PPEF1: variants seen among roughly 807,000 people sequenced by gnomAD.
The protein encoded by PPEF1 is protein phosphatase with EF-hand domain 1.
Under a neutral mutation model 53.3 loss-of-function variants are expected in PPEF1, and 12 were observed. That is an observed-to-expected ratio of 0.23 (90% CI 0.14 to 0.36). PPEF1 has a LOEUF of 0.36. Ranked by LOEUF, PPEF1 falls within the 10% of genes least tolerant of loss-of-function variation. The pLI is 1.00. For synonymous variants in PPEF1, 165 were observed against 176.7 expected, an observed-to-expected ratio of 0.93 and a Z score of 0.52; for missense variants, 334 against 490.4, an observed-to-expected ratio of 0.68 and a Z score of 3.01.
At chrX:18,734,831 G>A (rs1163498998) in intron 3 of PPEF1, among the ~76,000 whole-genome samples, 1 of 111,869 alleles carries the variant, frequency 8.9e-6, no homozygotes, top group African/African-American at 3.2e-5. Flanking sequence ...TAACTGGTGT[G>A]AGATGGTATC....
chrX:18,804,006 T>C lies in PPEF1; in HGVS notation c.1180T>C (p.Tyr394His), dbSNP rs1409502365. ...TGTTACTTCCAAGATTCTTAATAAA[T>C]ACCAGTTGAAGATGCTCATCAGGTC... ...PDVTSKILNKYQLKMLIRSHE... is the reference protein window; with the variant it reads ...PDVTSKILNKHQLKMLIRSHE... The change falls in exon 11 of 16, where the codon TAC becomes CAC. Residue 394 changes from tyrosine to histidine, a missense_variant. Transcript: ENST00000470157. 6 of 1,204,591 alleles carry C rather than the reference T, an allele frequency of 5.0e-6. No individual in the cohort carries two copies. Among genetic ancestry groups the C allele is most frequent in the Non-Finnish European group, 6.7e-6 (6 of 889,369 alleles).
intron 10 of PPEF1, among the ~76,000 whole-genome samples, chrX:18,801,701 G>C (rs1452859560): frequency 9.0e-6 from 1 of 111,519 alleles, no homozygotes; most frequent in African/African-American, 3.3e-5. Context: ...AAACATTACA[G>C]GCCGGGTGCA....
chrX:18,749,756 CA>C, intron 3 of PPEF1, 35 bp from the exon 4 acceptor site: 1 of 152,163 alleles, frequency 6.6e-6, no homozygotes, highest in Non-Finnish European at 1.4e-5. Context: ...TTCCCACCCC[CA>C]CCCCCACCCC....
intron 11 of PPEF1, among the ~76,000 whole-genome samples, chrX:18,805,114 G>A (rs907333155): frequency 2.7e-5 from 3 of 109,093 alleles, no homozygotes; most frequent in Non-Finnish European, 5.7e-5. Context: ...ATGCTCCCGA[G>A]AAGCTGGGAT....
chrX:18,805,580 C>T (rs2046641713), intron 11 of PPEF1, among the ~76,000 whole-genome samples: 1 of 110,763 alleles, frequency 9.0e-6, no homozygotes, highest in African/African-American at 3.3e-5. Context: ...CACGGTGGCT[C>T]ATGCCTGTAA....
At chrX:18,754,272 G>GGTTT (rs976321337) in intron 4 of PPEF1, among the ~76,000 whole-genome samples, 1 of 111,088 alleles carries the variant, frequency 9.0e-6, no homozygotes, top group Non-Finnish European at 1.9e-5. Context: ...ATTCTGACAG[G>GGTTT]GTTTGTTTGT....
In PPEF1 at chrX:18,749,907, T is replaced by A; in HGVS notation, c.351T>A (p.Thr117=). Residue 117 remains threonine, a synonymous_variant, in exon 4 of 16, where the codon ACT becomes ACA. Coordinates refer to ENST00000470157, the MANE Select transcript of PPEF1 (RefSeq NM_001377996.1). ...GTCCTCGGCTACAATTTCCTCTCACTTGTACGGATATTGATTTACTTCTTG... is the reference window on the plus strand; with the variant it reads ...GTCCTCGGCTACAATTTCCTCTCACATGTACGGATATTGATTTACTTCTTG... ...YNGPRLQFPL[T]CTDIDLLLEA... is the part of the protein sequence containing the mutation. The A allele has an allele frequency of 1.7e-6, 2 of 1,206,071 alleles. No individual in the cohort carries two copies. Among genetic ancestry groups the A allele is most frequent in the Non-Finnish European group, 2.2e-6 (2 of 890,996 alleles).
chrX:18,684,506 G>T (rs188970722), intron 1 of PPEF1, among the ~76,000 whole-genome samples: 137 of 111,425 alleles, frequency 1.2e-3, no homozygotes, highest in African/African-American at 3.9e-3. Context: ...CTTTCAGTGA[G>T]ATTACATTTC....
chrX:18,767,759 G>A (rs1011861586), intron 6 of PPEF1, among the ~76,000 whole-genome samples: 3 of 111,010 alleles, frequency 2.7e-5, no homozygotes, highest in Admixed American at 1.9e-4. Context: ...AGCTTAGTTA[G>A]GAGAAGAGCA....
intron 3 of PPEF1, 42 bp downstream of exon 3, chrX:18,733,850 T>A (rs768172695): frequency 1.2e-5 from 12 of 1,018,310 alleles, no homozygotes; most frequent in African/African-American, 1.9e-5. Flanking sequence ...TCATTAAATA[T>A]TGAATTGTCT....
intron 5 of PPEF1, among the ~76,000 whole-genome samples, chrX:18,759,165 A>G (rs2045609301): frequency 9.0e-6 from 1 of 111,321 alleles, no homozygotes; most frequent in African/African-American, 3.3e-5. Flanking sequence ...ACATCTTGGC[A>G]CTTATTTCTA....
chrX:18,760,760 C>T lies in PPEF1; in HGVS notation c.512-770C>T, dbSNP rs182883416. On this transcript the variant is annotated intron_variant, in intron 5 of 15. Coordinates refer to ENST00000470157, the MANE Select transcript of PPEF1 (RefSeq NM_001377996.1). ...CTGAGTAGCTAGGATCACAGGTGCG[C>T]ACCACCAAACCTGGCAATTTTTTTT... is the stretch of plus-strand genomic sequence containing the variant. 2.0e-3 allele frequency among the ~76,000 whole-genome samples: 204 copies of T among 104,224 alleles called. 1 individual carries two copies. Among genetic ancestry groups the T allele is most frequent in the African/African-American group, 6.1e-3 (173 of 28,475 alleles). 90.5% of individuals were successfully genotyped at this position (104,224 alleles called of 115,157 possible).
intron 11 of PPEF1, among the ~76,000 whole-genome samples, chrX:18,805,429 C>T (rs968060331): frequency 2.7e-5 from 3 of 112,143 alleles, no homozygotes; most frequent in African/African-American, 9.7e-5. Context: ...ATGAGTAAGG[C>T]AAGTATTGTT....
chrX:18,679,689 C>T (rs772676390), upstream of PPEF1, among the ~76,000 whole-genome samples: 4 of 111,568 alleles, frequency 3.6e-5, no homozygotes, highest in East Asian at 1.1e-3. Context: ...TTTCAAGATT[C>T]AGATTAGCTC....
intron 4 of PPEF1, among the ~76,000 whole-genome samples, chrX:18,696,822 T>C (rs775464301): frequency 5.0e-4 from 56 of 111,417 alleles, no homozygotes; most frequent in Non-Finnish European, 6.6e-4. Context: ...CCTTTGGTGC[T>C]ACGGGGCTTC....
At chrX:18,693,231 C>T (rs964724441) in intron 4 of PPEF1, among the ~76,000 whole-genome samples, 7 of 111,847 alleles carry the variant, frequency 6.3e-5, no homozygotes, top group Admixed American at 2.9e-4. Context: ...TGCCCCAGCC[C>T]ATTAAGCATT....
intron 5 of PPEF1, among the ~76,000 whole-genome samples, chrX:18,699,734 A>G (rs1056380674): frequency 3.6e-5 from 4 of 111,679 alleles, no homozygotes; most frequent in Non-Finnish European, 7.5e-5. Flanking sequence ...ATAAGGAGCT[A>G]CTGAACAGCT....
chrX:18,808,785 G>A (rs1490356643), intron 12 of PPEF1, among the ~76,000 whole-genome samples: 1 of 111,308 alleles, frequency 9.0e-6, no homozygotes, highest in East Asian at 2.8e-4. Flanking sequence ...GTAGAAAAGG[G>A]AACGCTTGTA....
chrX:18,821,497 TACC>T (rs2047044247), intron 13 of PPEF1, among the ~76,000 whole-genome samples: 1 of 111,022 alleles, frequency 9.0e-6, no homozygotes, highest in Non-Finnish European at 1.9e-5. Flanking sequence ...AACCTCCGCC[TACC>T]AGGTTAAAGC....
Sources: allele counts gnomAD v4.1 joint callset (sites outside exome capture counted in the v4.1 genomes callset), GRCh38; gene constraint gnomAD v4.1.1; transcripts MANE v1.5; gene names NCBI Gene and HGNC (gene_info 2026-07-23, HGNC 2026-07-21).